The following PDE4A variants were observed in gnomAD, a reference collection of about 807,000 sequenced individuals.
PDE4A encodes the protein 3',5'-cyclic-AMP phosphodiesterase 4A.
A neutral mutation model predicts 73.9 loss-of-function variants in PDE4A; 21 were observed. The ratio of observed to expected loss-of-function variants is 0.28; its 90% confidence interval spans 0.20 to 0.41. The LOEUF is 0.41. Among genes scored for constraint, PDE4A ranks in the 10% least tolerant of loss-of-function variants. The pLI, the probability that PDE4A is intolerant of heterozygous loss-of-function variation, is 1.00. For synonymous variants in PDE4A, 463 were observed against 505.4 expected, an observed-to-expected ratio of 0.92 and a Z score of 1.13; for missense variants, 958 against 1,211.4, an observed-to-expected ratio of 0.79 and a Z score of 3.10.
intron 2 of PDE4A, among the ~76,000 whole-genome samples, chr19:10,447,952 C>T (rs1231921762): frequency 6.6e-6 from 1 of 152,060 alleles, no homozygotes; most frequent in African/African-American, 2.4e-5. Flanking sequence ...TCAAGCCCCG[C>T]CCTTGCAACA....
At chr19:10,447,760 C>T (rs1323606687) in intron 2 of PDE4A, among the ~76,000 whole-genome samples, 4 of 152,136 alleles carry the variant, frequency 2.6e-5, no homozygotes. Flanking sequence ...GACCCACCCT[C>T]TGCCCTTCCT....
chr19:10,458,289 C>T lies in PDE4A; in HGVS notation c.1101+187C>T, dbSNP rs1376149385. On this transcript the variant is annotated intron_variant, in intron 8 of 14. Coordinates refer to ENST00000380702, the MANE Select transcript of PDE4A (RefSeq NM_001111307.2). The surrounding 1 kb of genome is among the most constrained non-coding windows in gnomAD (Gnocchi z 4.6). ...TCTGTATCATTCATTGCTTGGGGGC[C>T]GTCCCCAGGGCTGGACGTATCACCT... Among the ~76,000 whole-genome samples, 3 of 152,146 alleles carry T rather than the reference C, an allele frequency of 2.0e-5. No individual in the cohort carries two copies. Among genetic ancestry groups the T allele is most frequent in the South Asian group, 2.1e-4 (1 of 4,830 alleles).
chr19:10,452,886 C>A, intron 6 of PDE4A: 3 of 943,916 alleles, frequency 3.2e-6, no homozygotes, highest in East Asian at 9.6e-5. Context: ...CCCAGCACCA[C>A]CTGACATCCC....
At chr19:10,451,162 C>G (rs535533622) in intron 6 of PDE4A, among the ~76,000 whole-genome samples, 2 of 152,244 alleles carry the variant, frequency 1.3e-5, no homozygotes, top group African/African-American at 4.8e-5. Context: ...GAGCCAACCA[C>G]TAGGTTAGGC....
At position 10,464,329 on chromosome 19, in the gene PDE4A, C is replaced by T. The variant is rs2043327910; in HGVS notation, c.1926+354C>T. On this transcript the variant is annotated intron_variant, in intron 14 of 14. Transcript: ENST00000380702. ...GCCAGGCTGGTCTTGAACTCCTGACCTTGTGATCTACCCGCCTTGGCCTCC... is the reference window on the plus strand; with the variant it reads ...GCCAGGCTGGTCTTGAACTCCTGACTTTGTGATCTACCCGCCTTGGCCTCC... 7.0e-5 allele frequency: 32 copies of T among 455,602 alleles called. 1 individual carries two copies. The highest frequency in any genetic ancestry group is 5.0e-4 in the South Asian group (32 of 63,970). 28.2% of individuals were successfully genotyped at this position (455,602 alleles called of 1,614,324 possible).
chr19:10,417,775 C>T (rs769624340), upstream of PDE4A: 6 of 1,565,892 alleles, frequency 3.8e-6, no homozygotes, highest in South Asian at 4.6e-5. Context: ...CCTGAGCCCT[C>T]GGACCCTGGG....
At chr19:10,434,824 C>T (rs2042842688) in intron 1 of PDE4A, among the ~76,000 whole-genome samples, 1 of 149,688 alleles carries the variant, frequency 6.7e-6, no homozygotes, top group South Asian at 2.1e-4. Context: ...CTGCTGACCT[C>T]AAGTGATCTG....
intron 1 of PDE4A, chr19:10,430,758 C>A: frequency 2.6e-6 from 1 of 385,256 alleles, no homozygotes; most frequent in Non-Finnish European, 3.5e-6. Context: ...CCCGCGGGCC[C>A]GGGGCTGGGC....
At chr19:10,460,498 C>A (rs1274953013) in intron 10 of PDE4A, among the ~76,000 whole-genome samples, 13 of 149,744 alleles carry the variant, frequency 8.7e-5, no homozygotes, top group Non-Finnish European at 1.5e-4. Flanking sequence ...GACTTCATCT[C>A]AAAAAAAATA....
At position 10,429,289 on chromosome 19, in the gene PDE4A, AG is replaced by A. The variant is rs985948455; in HGVS notation, c.320+8206del. 1.4e-3 allele frequency among the ~76,000 whole-genome samples: 168 copies of A among 122,154 alleles called. 1 individual carries two copies. Among genetic ancestry groups the A allele is most frequent in the African/African-American group, 5.2e-3 (167 of 32,102 alleles). The allele number at this position is 122,154 out of a possible 152,430, so 80.1% of individuals were successfully genotyped here. On this transcript the variant is annotated intron_variant, in intron 1 of 14. Transcript: ENST00000380702. ...AAAGAAGGAAGGAAGGAAGAAAGAAAGAAAGAAAGAAAGAGAGGAAGGAAAG... is the reference window on the plus strand; with the variant it reads ...AAAGAAGGAAGGAAGGAAGAAAGAAAAAAGAAAGAAAGAGAGGAAGGAAAG...
At chr19:10,455,359 G>A (rs1227667115) in intron 7 of PDE4A, among the ~76,000 whole-genome samples, 1 of 151,898 alleles carries the variant, frequency 6.6e-6, no homozygotes, top group Non-Finnish European at 1.5e-5. Flanking sequence ...AGCAACTCAG[G>A]AGGCTCAGGC....
rs1568377099 is a variant in PDE4A, at chr19:10,450,937, A to G, written c.779A>G (p.His260Arg). 3 of 1,594,914 alleles carry G rather than the reference A, an allele frequency of 1.9e-6. No homozygotes were observed. Among genetic ancestry groups the G allele is most frequent in the Non-Finnish European group, 1.7e-6 (2 of 1,171,104 alleles). Residue 260 changes from histidine (H) to arginine (R), a missense_variant, in exon 6 of 15, where the codon CAC becomes CGC. Physicochemically the swap from His to Arg is conservative, Grantham distance 29. This residue lies in a region of PDE4A where 570 missense variants were observed against 827.7 expected (regional missense o/e 0.69). Transcript: ENST00000380702. Reference sequence around the variant, plus strand: ...CGCTCTGTCAGCGAGATGGCCTCGCACAAGGTGTGCAGGTGGTGGGCAGAA... The same window carrying G: ...CGCTCTGTCAGCGAGATGGCCTCGCGCAAGGTGTGCAGGTGGTGGGCAGAA... ...TYRSVSEMASHKFKRMLNREL... is the reference protein window; with the variant it reads ...TYRSVSEMASRKFKRMLNREL...
In PDE4A at chr19:10,424,886, G is replaced by T. The variant is rs573804054; in HGVS notation, c.320+3802G>T. On this transcript the variant is annotated intron_variant, in intron 1 of 14. Transcript: ENST00000380702. This position sits in a 1 kb window ranked among gnomAD's most constrained non-coding sequence, Gnocchi z 4.8. ...TCCTGCCCGGGAAACAGAGACCATG[G>T]GACTTGCCCAAGGTCACACAGCGAG... Among the ~76,000 whole-genome samples the T allele has an allele frequency of 6.6e-6, 1 of 152,216 alleles. No homozygotes were observed. Among genetic ancestry groups the T allele is most frequent in the African/African-American group, 2.4e-5 (1 of 41,472 alleles).
chr19:10,417,390 T>C (rs1335851410), upstream of PDE4A: 1 of 985,102 alleles, frequency 1.0e-6, no homozygotes, highest in African/African-American at 1.7e-5. Flanking sequence ...GGTCTCACAC[T>C]TGAGACAGAA....
upstream of PDE4A, chr19:10,417,194 G>T (rs2042596435): frequency 2.0e-6 from 2 of 984,480 alleles, no homozygotes; most frequent in South Asian, 4.7e-5. Context: ...CCCAGGGACA[G>T]CAGGCAAAGG....
upstream of PDE4A, chr19:10,420,454 CG>C: frequency 1.1e-5 from 2 of 175,250 alleles, no homozygotes; most frequent in Non-Finnish European, 1.6e-5. This position sits in a 1 kb window ranked among gnomAD's most constrained non-coding sequence, Gnocchi z 6.0. Flanking sequence ...CCGCGGCGGG[CG>C]GGGGGCGGGG....
rs933204801 is a variant in PDE4A, at chr19:10,432,186, G to C, written c.320+11102G>C. On this transcript the variant is annotated intron_variant, in intron 1 of 14. Coordinates refer to ENST00000380702, the MANE Select transcript of PDE4A (RefSeq NM_001111307.2). The stretch of plus-strand genomic sequence containing the variant: ...CTAGGAGGGAGGAGACGGGGGGGGG[G>C]GGGGGAAGTGTGCGTCCGACTCCGC... Among the ~76,000 whole-genome samples, 15 of 142,524 alleles carry C rather than the reference G, an allele frequency of 1.1e-4. 6 individuals are homozygous for C. The highest frequency in any genetic ancestry group is 1.1e-4 in the Non-Finnish European group (7 of 63,072). 93.5% of individuals were successfully genotyped at this position (142,524 alleles called of 152,430 possible).
rs1192153657 is a variant in PDE4A, at chr19:10,458,773, C to T, written c.1102-627C>T. Among the ~76,000 whole-genome samples the T allele has an allele frequency of 1.3e-5, 2 of 152,134 alleles. No homozygotes were observed. Among genetic ancestry groups the T allele is most frequent in the Non-Finnish European group, 2.9e-5 (2 of 68,034 alleles). On this transcript the variant is annotated intron_variant, in intron 8 of 14. Transcript: ENST00000380702. This position sits in a 1 kb window ranked among gnomAD's most constrained non-coding sequence, Gnocchi z 4.6. ...AGCCGGGACTAAAGGCCTGTGCCAG[C>T]ACACCTGGCTAATTTTTGTATTTTT...
At chr19:10,437,186 C>T (rs1356227823) in intron 1 of PDE4A, among the ~76,000 whole-genome samples, 1 of 151,960 alleles carries the variant, frequency 6.6e-6, no homozygotes, top group Non-Finnish European at 1.5e-5. Context: ...TGCAGTGGCT[C>T]GATCTTGGCT....
Sources: allele counts gnomAD v4.1 joint callset (sites outside exome capture counted in the v4.1 genomes callset), GRCh38; gene constraint gnomAD v4.1.1; regional missense constraint gnomAD v4.1.1; non-coding constraint Gnocchi (gnomAD v3.1); transcripts MANE v1.5; gene names NCBI Gene and HGNC (gene_info 2026-07-23, HGNC 2026-07-21).